Variants in ANTXRL observed in about 807,000 individuals in gnomAD.
ANTXRL encodes ANTXR like.
A neutral mutation model predicts 75.4 loss-of-function variants in ANTXRL; 63 were observed. That is an observed-to-expected ratio of 0.84 (90% CI 0.68 to 1.03). The LOEUF (loss-of-function observed/expected upper bound fraction) is 1.03. Among genes scored for constraint, ANTXRL ranks in the 50% least tolerant of loss-of-function variants. The probability of loss-of-function intolerance (pLI) is 0.00; values close to 1 mark genes in which losing one functional copy is unlikely to be tolerated. For synonymous variants in ANTXRL, 335 were observed against 291.3 expected, an observed-to-expected ratio of 1.15 and a Z score of -1.53; for missense variants, 797 against 789.4, an observed-to-expected ratio of 1.01 and a Z score of -0.12.
chr10:46,323,482 C>T (rs782734110), intron 16 of ANTXRL, among the ~76,000 whole-genome samples: 1 of 152,132 alleles, frequency 6.6e-6, no homozygotes, highest in East Asian at 1.9e-4. Flanking sequence ...TCATAAGATG[C>T]TAGATGGCTT....
Position 46,296,095 on chromosome 10 carries a change from A to C in ANTXRL, c.469A>C (p.Arg157=), listed in dbSNP as rs1385324731. Residue 157 remains arginine, a synonymous_variant, in exon 4 of 17, where the codon AGA becomes CGA. Coordinates refer to ENST00000620264, the MANE Select transcript of ANTXRL (RefSeq NM_001278688.3). ...TCACACATTCATGCAGGCAGGATTT[A>C]GAAAGGTATAGACCCCTTGATCTCC... ...DGHTFMQAGF[R]KAIQQIESFN... is the part of the protein sequence containing the mutation. 1.9e-4 allele frequency: 286 copies of C among 1,535,820 alleles called. No individual in the cohort carries two copies. Among genetic ancestry groups the C allele is most frequent in the Non-Finnish European group, 2.0e-4 (234 of 1,146,752 alleles).
At chr10:46,294,408 A>G (rs1554957914) in intron 3 of ANTXRL, among the ~76,000 whole-genome samples, 1 of 152,090 alleles carries the variant, frequency 6.6e-6, no homozygotes, top group African/African-American at 2.4e-5. Flanking sequence ...GCTCCAGGGC[A>G]GGCTGGGAAA....
intron 16 of ANTXRL, among the ~76,000 whole-genome samples, chr10:46,322,750 T>C (rs1739988911): frequency 1.3e-5 from 2 of 152,314 alleles, no homozygotes; most frequent in South Asian, 4.1e-4. Flanking sequence ...ATCCTTTAGA[T>C]ACCAAATTTG....
Position 46,287,130 on chromosome 10 carries a change from T to C in ANTXRL, c.-133T>C. ...CCTGGTGGAGGGCCATAGTGTGCACTGGTGAAAGGGCAGGAGGAGGGGTGT... is the reference window on the plus strand; with the variant it reads ...CCTGGTGGAGGGCCATAGTGTGCACCGGTGAAAGGGCAGGAGGAGGGGTGT... On this transcript the variant is annotated 5_prime_UTR_variant, in exon 1 of 17. Transcript: ENST00000620264. The C allele has an allele frequency of 8.4e-7, 1 of 1,193,488 alleles. No homozygotes were observed. The highest frequency in any genetic ancestry group is 2.7e-5 in the Admixed American group (1 of 36,368). 73.9% of individuals were successfully genotyped at this position (1,193,488 alleles called of 1,614,324 possible).
intron 1 of ANTXRL, among the ~76,000 whole-genome samples, chr10:46,290,045 CTTTT>C (rs34276033): frequency 8.4e-6 from 1 of 119,668 alleles, no homozygotes. Flanking sequence ...TTTTCTTTAT[CTTTT>C]TTTTTTTTTT....
chr10:46,296,227 A>T lies in ANTXRL; in HGVS notation c.483A>T (p.Gln161His). The change falls in exon 5 of 17, where the codon CAA (glutamine) becomes CAT (histidine). Residue 161 changes from glutamine (Q) to histidine (H), a missense_variant. By Grantham distance (24) the Gln-to-His change is conservative (BLOSUM62 0). This residue lies in a region of ANTXRL where 262 missense variants were observed against 271.9 expected (regional missense o/e 0.96). Coordinates refer to ENST00000620264, the MANE Select transcript of ANTXRL (RefSeq NM_001278688.3). ...FMQAGFRKAIQQIESFNSGNK... is the reference protein window; with the variant it reads ...FMQAGFRKAIHQIESFNSGNK... The stretch of plus-strand genomic sequence containing the variant: ...TCTTCATTTTCTTGCAGGCAATTCA[A>T]CAGATCGAAAGTTTCAACTCCGGAA... The T allele has an allele frequency of 6.5e-7, 1 of 1,535,838 alleles. No homozygotes were observed.
At chr10:46,319,567 T>G (rs1463730146) in intron 16 of ANTXRL, among the ~76,000 whole-genome samples, 1 of 152,138 alleles carries the variant, frequency 6.6e-6, no homozygotes, top group Non-Finnish European at 1.5e-5. Flanking sequence ...AGCTCAACAG[T>G]GTTTAAGTTG....
Position 46,306,840 on chromosome 10 carries a change from T to C in ANTXRL, c.933T>C (p.Asn311=). 2 of 1,530,720 alleles carry C rather than the reference T, an allele frequency of 1.3e-6. No individual in the cohort carries two copies. Among genetic ancestry groups the C allele is most frequent in the East Asian group, 2.5e-5 (1 of 40,662 alleles). 94.8% of individuals were successfully genotyped at this position (1,530,720 alleles called of 1,614,324 possible). A position where few individuals can be genotyped will look rare whatever the true frequency, so the allele number is the denominator to read the frequency against. ...CCAGTATCGACAATAATTCCATGAA[T>C]TGCCCTGGGCCAAAACTAGAAAAAC... ...KPTSIDNNSM[N]CPGPKLEKPG... Residue 311 remains asparagine, a synonymous_variant, in exon 11 of 17, where the codon AAT becomes AAC. Transcript: ENST00000620264.
Position 46,292,593 on chromosome 10 carries a change from G to A in ANTXRL, c.320+464G>A, listed in dbSNP as rs115503829. ...GAAAAGACAGGGGACCTGTGGTGGC[G>A]TGAGTGGTCTGACTTGGCTGGGAAT... On this transcript the variant is annotated intron_variant, in intron 2 of 16. Transcript: ENST00000620264. Among the ~76,000 whole-genome samples the A allele has an allele frequency of 4.5e-3, 684 of 152,242 alleles. 10 individuals carry two copies. Among genetic ancestry groups the A allele is most frequent in the African/African-American group, 0.015 (635 of 41,498 alleles).
chr10:46,327,758 G>C (rs1350451345), intron 16 of ANTXRL, among the ~76,000 whole-genome samples: 3 of 152,118 alleles, frequency 2.0e-5, no homozygotes, highest in Non-Finnish European at 4.4e-5. Context: ...GTGAGGAATG[G>C]AGCGTTTCCT....
At chr10:46,315,827 G>A (rs1838697040) in intron 16 of ANTXRL, among the ~76,000 whole-genome samples, 1 of 152,194 alleles carries the variant, frequency 6.6e-6, no homozygotes, top group African/African-American at 2.4e-5. Flanking sequence ...CCAAGGCTCA[G>A]TTTACCAAAA....
At chr10:46,301,179 C>T (rs1255556389) in intron 9 of ANTXRL, among the ~76,000 whole-genome samples, 1 of 152,248 alleles carries the variant, frequency 6.6e-6, no homozygotes, top group Non-Finnish European at 1.5e-5. Flanking sequence ...GTTGCTCCCT[C>T]CCGGGCACAC....
At chr10:46,307,259 T>C (rs557547177) in intron 11 of ANTXRL, 143 bp from the exon 12 acceptor site, 30 of 683,140 alleles carry the variant, frequency 4.4e-5, no homozygotes, top group East Asian at 3.5e-4. Context: ...CCCCTCACTG[T>C]CTGACCCACT....
At chr10:46,295,463 G>GGTTGGA (rs78248150) in intron 3 of ANTXRL, among the ~76,000 whole-genome samples, 21 of 90,422 alleles carry the variant, frequency 2.3e-4, no homozygotes, top group African/African-American at 4.4e-4. Flanking sequence ...TTAGGGTTTG[G>GGTTGGA]GTTAGAGTTA....
In ANTXRL at chr10:46,296,040, T is replaced by A; in HGVS notation, c.414T>A (p.Leu138=). The change falls in exon 4 of 17, where the codon CTT becomes CTA. Residue 138 remains leucine (L), a synonymous_variant. Transcript: ENST00000620264. ...TCAGGAATAGAATAAAAAACGGTCT[T>A]GACCAACTTCAGAAAATTGTGCCTG... ...TSDKNRIKNG[L]DQLQKIVPDG... The A allele has an allele frequency of 6.5e-7, 1 of 1,535,906 alleles. No individual in the cohort carries two copies. Among genetic ancestry groups the A allele is most frequent in the Non-Finnish European group, 8.7e-7 (1 of 1,146,754 alleles).
intron 16 of ANTXRL, among the ~76,000 whole-genome samples, chr10:46,315,712 T>G (rs1312984833): frequency 6.6e-6 from 1 of 152,230 alleles, no homozygotes; most frequent in Non-Finnish European, 1.5e-5. Flanking sequence ...TGGAATGTGC[T>G]GTCGAATTTA....
At chr10:46,326,949 G>T (rs560702164) in intron 16 of ANTXRL, among the ~76,000 whole-genome samples, 1 of 152,190 alleles carries the variant, frequency 6.6e-6, no homozygotes, top group African/African-American at 2.4e-5. Context: ...TATGTGAAGG[G>T]ACCCCAACTC....
At chr10:46,286,992 T>C (rs1836791040), upstream of ANTXRL, 1 of 522,836 alleles carries the variant, frequency 1.9e-6, no homozygotes, top group Admixed American at 3.5e-5. Context: ...AACCTTCCTG[T>C]CAACCATAAC....
At chr10:46,287,637 A>C (rs1418965503) in intron 1 of ANTXRL, 127 bp downstream of exon 1, 1 of 1,292,162 alleles carries the variant, frequency 7.7e-7, no homozygotes, top group Non-Finnish European at 1.0e-6. Context: ...AACTTTGGTC[A>C]GACCAGACCT....
Sources: allele counts gnomAD v4.1 joint callset (sites outside exome capture counted in the v4.1 genomes callset), GRCh38; gene constraint gnomAD v4.1.1; regional missense constraint gnomAD v4.1.1; transcripts MANE v1.5; gene names NCBI Gene and HGNC (gene_info 2026-07-23, HGNC 2026-07-21).